The following PTCHD1 variants were observed in gnomAD, a reference collection of about 807,000 sequenced individuals.
The protein encoded by PTCHD1 is patched domain containing 1, also known as patched domain-containing protein 1.
Under a neutral mutation model 34.6 loss-of-function variants are expected in PTCHD1, and 3 were observed. That is an observed-to-expected ratio of 0.09 (90% confidence interval 0.04 to 0.22). The LOEUF (loss-of-function observed/expected upper bound fraction) is 0.22. Ranked by LOEUF, PTCHD1 falls within the 10% of genes least tolerant of loss-of-function variation. The pLI is 1.00. For synonymous variants in PTCHD1, 305 were observed against 283.1 expected (o/e 1.08, Z -0.77); for missense variants, 504 against 685.5 (o/e 0.74, Z 2.96).
intron 1 of PTCHD1, among the ~76,000 whole-genome samples, chrX:23,344,731 C>T (rs1438494712): frequency 2.7e-5 from 3 of 111,449 alleles, no homozygotes; most frequent in African/African-American, 9.8e-5. Context: ...CTCTTCATGC[C>T]TGATGGGGCT....
chrX:23,359,825 C>G (rs1476836121), intron 1 of PTCHD1, among the ~76,000 whole-genome samples: 2 of 111,880 alleles, frequency 1.8e-5, no homozygotes, highest in Non-Finnish European at 3.8e-5. Flanking sequence ...TACTTTCCAT[C>G]AATACCTACT....
At position 23,380,100 on chromosome X, in the gene PTCHD1, C is replaced by T. The variant is rs1196757912; in HGVS notation, c.861C>T (p.Cys287=). 8.3e-7 allele frequency: 1 copy of T among 1,210,314 alleles called. No individual in the cohort carries two copies. The highest frequency in any genetic ancestry group is 1.7e-5 in the African/African-American group (1 of 57,235). ...TGGTTACCATGGCCATCCTGTGTTG[C>T]TCTATGCAGGACTGCGTCCGCAGCA... The part of the protein sequence containing the change: ...ILVVTMAILC[C]SMQDCVRSKP... The change falls in exon 2 of 3, where the codon TGC becomes TGT. Residue 287 remains cysteine (C), a synonymous_variant. Transcript: ENST00000379361.
chrX:23,335,772 G>A (rs1006955174), intron 1 of PTCHD1, among the ~76,000 whole-genome samples: 1 of 111,498 alleles, frequency 9.0e-6, no homozygotes, highest in Admixed American at 9.4e-5. Context: ...TGATGAAGAT[G>A]CCTCCCACCC....
At chrX:23,369,278 CT>C (rs111294113) in intron 1 of PTCHD1, among the ~76,000 whole-genome samples, 3 of 111,389 alleles carry the variant, frequency 2.7e-5, no homozygotes, top group African/African-American at 9.8e-5. Context: ...AGTTTTGTTG[CT>C]TTTCTAGACT....
chrX:23,353,504 G>A (rs1921705850), intron 1 of PTCHD1, among the ~76,000 whole-genome samples: 1 of 112,427 alleles, frequency 8.9e-6, no homozygotes, highest in Non-Finnish European at 1.9e-5. Context: ...CAGGAGAATC[G>A]CTTGAACTCA....
chrX:23,374,280 C>CAAAA (rs752214252), intron 1 of PTCHD1, among the ~76,000 whole-genome samples: 24 of 24,529 alleles, frequency 9.8e-4, no homozygotes, highest in East Asian at 4.5e-3. Flanking sequence ...GAAACAAATA[C>CAAAA]AAAAAAAAAA....
At chrX:23,377,578 GTGTGTGTGTGTGT>G (rs1922445269) in intron 1 of PTCHD1, among the ~76,000 whole-genome samples, 2 of 83,328 alleles carry the variant, frequency 2.4e-5, no homozygotes, top group East Asian at 3.8e-4. Context: ...TCCTAGGGGT[GTGTGTGTGTGTGT>G]GTGTGTGTGT....
chrX:23,382,637 G>A (rs1208412396), intron 2 of PTCHD1, among the ~76,000 whole-genome samples: 1 of 112,818 alleles, frequency 8.9e-6, no homozygotes, highest in Admixed American at 9.3e-5. Context: ...AAAAAATCTA[G>A]CATTTGCAGC....
chrX:23,362,417 C>G (rs1344592575), intron 1 of PTCHD1, among the ~76,000 whole-genome samples: 2 of 112,108 alleles, frequency 1.8e-5, no homozygotes, highest in African/African-American at 6.5e-5. Context: ...ATCACTGATA[C>G]CCTTTCTTCC....
At chrX:23,362,574 C>T (rs1372531122) in intron 1 of PTCHD1, among the ~76,000 whole-genome samples, 2 of 112,005 alleles carry the variant, frequency 1.8e-5, no homozygotes, top group African/African-American at 6.5e-5. Flanking sequence ...GTTCGAACAT[C>T]CTCCTTTAGC....
chrX:23,355,937 A>C (rs1451003890), intron 1 of PTCHD1, among the ~76,000 whole-genome samples: 1 of 112,824 alleles, frequency 8.9e-6, no homozygotes, highest in Non-Finnish European at 1.9e-5. Context: ...TTAAACTGCC[A>C]CAGTATCTTT....
intron 1 of PTCHD1, among the ~76,000 whole-genome samples, chrX:23,363,438 T>C (rs1379822044): frequency 8.8e-6 from 1 of 113,118 alleles, no homozygotes; most frequent in Admixed American, 9.3e-5. Context: ...CAAGGCTCCA[T>C]GGGCATGGGA....
In PTCHD1 at chrX:23,347,557, C is replaced by G. The variant is rs555608742; in HGVS notation, c.351+12331C>G. The stretch of plus-strand genomic sequence containing the variant: ...AATCTTCCCTGTAAAGTCCTGTTAT[C>G]TTAGTTCCTATTAACTGATATAACA... On this transcript the variant is annotated intron_variant, in intron 1 of 2. Transcript: ENST00000379361. 2.2e-4 allele frequency among the ~76,000 whole-genome samples: 25 copies of G among 112,471 alleles called. No individual in the cohort carries two copies. The South Asian group carries it at 9.3e-3, about 42-fold the overall frequency.
rs184303921 is a variant in PTCHD1, at chrX:23,385,210, C to T, written c.1012+4959C>T. 2.0e-3 allele frequency among the ~76,000 whole-genome samples: 221 copies of T among 111,774 alleles called. 2 individuals carry two copies. The highest frequency in any genetic ancestry group is 9.2e-3 in the Middle Eastern group (2 of 218). ...GATTATGTAATTTAGGCTTGTAATT[C>T]GTTCTTGCCCTTTTATTCTTATGCT... On this transcript the variant is annotated intron_variant, in intron 2 of 2. Coordinates refer to ENST00000379361, the MANE Select transcript of PTCHD1 (RefSeq NM_173495.3).
chrX:23,336,699 A>G (rs930733756), intron 1 of PTCHD1, among the ~76,000 whole-genome samples: 1 of 111,674 alleles, frequency 9.0e-6, no homozygotes, highest in African/African-American at 3.3e-5. Flanking sequence ...AATAACATTA[A>G]TCCCGAGATG....
At chrX:23,391,239 G>A (rs1313001780) in intron 2 of PTCHD1, among the ~76,000 whole-genome samples, 1 of 111,489 alleles carries the variant, frequency 9.0e-6, no homozygotes, top group Non-Finnish European at 1.9e-5. Flanking sequence ...AAGCAGTTAC[G>A]CAGCGGGGTT....
intron 1 of PTCHD1, among the ~76,000 whole-genome samples, chrX:23,353,481 C>G (rs755792896): frequency 4.4e-5 from 5 of 112,412 alleles, no homozygotes; most frequent in Non-Finnish European, 9.4e-5. Context: ...CCCAGCTACG[C>G]GGGAGGCTGA....
intron 1 of PTCHD1, among the ~76,000 whole-genome samples, chrX:23,373,651 G>C (rs1922330912): frequency 2.7e-5 from 3 of 112,467 alleles, no homozygotes; most frequent in African/African-American, 9.7e-5. Context: ...GAGTGGGTGA[G>C]AGTGAGATCA....
chrX:23,343,743 GA>G (rs1921404417), intron 1 of PTCHD1, among the ~76,000 whole-genome samples: 2 of 112,266 alleles, frequency 1.8e-5, no homozygotes, highest in Admixed American at 9.4e-5. Context: ...TTTCAGCGTG[GA>G]AGATAAAGAT....
Sources: allele counts gnomAD v4.1 joint callset (sites outside exome capture counted in the v4.1 genomes callset), GRCh38; gene constraint gnomAD v4.1.1; transcripts MANE v1.5; gene names NCBI Gene and HGNC (gene_info 2026-07-23, HGNC 2026-07-21).